The following LMTK2 variants were observed in gnomAD, a reference collection of about 807,000 sequenced individuals.
LMTK2 encodes lemur tail kinase 2.
A neutral mutation model predicts 127.5 loss-of-function variants in LMTK2; 37 were observed. The ratio of observed to expected loss-of-function variants is 0.29; its 90% CI spans 0.22 to 0.38. The LOEUF (loss-of-function observed/expected upper bound fraction) is 0.38. Among genes scored for constraint, LMTK2 ranks in the 10% least tolerant of loss-of-function variants. The pLI is 1.00. For missense variants in LMTK2, 1,694 were observed against 1,920.3 expected, an observed-to-expected ratio of 0.88 and a Z score of 2.20; for synonymous variants, 819 against 810.1, an observed-to-expected ratio of 1.01 and a Z score of -0.19.
Position 98,204,185 on chromosome 7 carries a change from C to A in LMTK2, c.4482C>A (p.Gly1494=), listed in dbSNP as rs6971013. The A allele has an allele frequency of 7.5e-6, 12 of 1,603,700 alleles. No homozygotes were observed. The highest frequency in any genetic ancestry group is 1.0e-5 in the Non-Finnish European group (12 of 1,179,506). ...THLTDSDIEQ[G]GSSEDGEKD ...TGACCGACTCGGACATCGAGCAGGGCGGTGAGAGGCGCTGCGTGCTGGGGA... is the reference window on the plus strand; with the variant it reads ...TGACCGACTCGGACATCGAGCAGGGAGGTGAGAGGCGCTGCGTGCTGGGGA... The change falls in exon 13 of 14, where the codon GGC becomes GGA. Residue 1494 remains glycine (G), a splice_region_variant and synonymous_variant. Coordinates refer to ENST00000297293, the MANE Select transcript of LMTK2 (RefSeq NM_014916.4).
At chr7:98,176,859 G>A (rs964082599) in intron 7 of LMTK2, among the ~76,000 whole-genome samples, 3 of 152,076 alleles carry the variant, frequency 2.0e-5, no homozygotes, top group African/African-American at 7.2e-5. Flanking sequence ...TAATAATAAT[G>A]ATTTACTGAA....
At chr7:98,175,155 T>C (rs1176368465) in intron 7 of LMTK2, among the ~76,000 whole-genome samples, 1 of 152,182 alleles carries the variant, frequency 6.6e-6, no homozygotes, top group Non-Finnish European at 1.5e-5. Context: ...ATACCGTGTG[T>C]GGTCATTTCT....
In LMTK2 at chr7:98,194,384, A is replaced by C. The variant is rs768274638; in HGVS notation, c.3919A>C (p.Ser1307Arg). 6.2e-7 allele frequency: 1 copy of C among 1,614,054 alleles called. No homozygotes were observed. The highest frequency in any genetic ancestry group is 8.5e-7 in the Non-Finnish European group (1 of 1,180,024). The change falls in exon 11 of 14, where the codon AGC (serine) becomes CGC (arginine). Residue 1307 changes from serine to arginine, a missense_variant. Transcript: ENST00000297293. The surrounding 1 kb of genome is among the most constrained non-coding windows in gnomAD (Gnocchi z 5.4). ...GCGGGCCTTCAACCTGCATAGCCTCAGCTCCGAGTCGGAGGACGAGACCGA... is the reference window on the plus strand; with the variant it reads ...GCGGGCCTTCAACCTGCATAGCCTCCGCTCCGAGTCGGAGGACGAGACCGA... ...DLRAFNLHSL[S>R]SESEDETEHP... is the part of the protein sequence containing the mutation.
At chr7:98,125,012 TC>T (rs1796423543) in intron 1 of LMTK2, among the ~76,000 whole-genome samples, 1 of 152,118 alleles carries the variant, frequency 6.6e-6, no homozygotes, top group South Asian at 2.1e-4. Context: ...AATAACAGTC[TC>T]CCCAGTCCAG....
At chr7:98,203,387 G>C (rs1797736727) in intron 11 of LMTK2, among the ~76,000 whole-genome samples, 187 bp from the exon 12 acceptor site, 1 of 152,238 alleles carries the variant, frequency 6.6e-6, no homozygotes, top group African/African-American at 2.4e-5. Flanking sequence ...GCCGAGGTCA[G>C]AGCTGCAGGC....
At chr7:98,185,915 G>A (rs1357010792) in intron 8 of LMTK2, among the ~76,000 whole-genome samples, 6 of 151,842 alleles carry the variant, frequency 4.0e-5, no homozygotes, top group Non-Finnish European at 7.4e-5. Context: ...TCTGTTTTTC[G>A]GAGTTCTTGT....
chr7:98,120,145 A>G (rs1425716355), intron 1 of LMTK2, among the ~76,000 whole-genome samples: 1 of 152,216 alleles, frequency 6.6e-6, no homozygotes, highest in East Asian at 1.9e-4. Flanking sequence ...AGTACAGACT[A>G]TTTTTTGACA....
chr7:98,110,950 C>CTA (rs1796194097), intron 1 of LMTK2, among the ~76,000 whole-genome samples: 1 of 152,200 alleles, frequency 6.6e-6, no homozygotes, highest in African/African-American at 2.4e-5. Context: ...GAAATGCTTT[C>CTA]TAAAGTATGA....
At chr7:98,163,048 A>T (rs1405476301) in intron 6 of LMTK2, among the ~76,000 whole-genome samples, 1 of 150,976 alleles carries the variant, frequency 6.6e-6, no homozygotes, top group East Asian at 2.0e-4. Context: ...GTTCTGGGTA[A>T]TTCTACTTAC....
chr7:98,187,692 T>C (rs982563789), intron 9 of LMTK2, among the ~76,000 whole-genome samples: 7 of 127,262 alleles, frequency 5.5e-5, no homozygotes, highest in Non-Finnish European at 1.0e-4. Context: ...CTCACTGCAG[T>C]GTCCACCTCC....
Position 98,190,808 on chromosome 7 carries a change from A to G in LMTK2, c.1079A>G (p.Asn360Ser), listed in dbSNP as rs200927394. The G allele has an allele frequency of 2.2e-4, 353 of 1,614,088 alleles. 2 individuals are homozygous for G. The highest frequency in any genetic ancestry group is 6.6e-4 in the Middle Eastern group (4 of 6,062). The change falls in exon 10 of 14, where the codon AAC becomes AGC. Residue 360 changes from asparagine to serine, a missense_variant. Asn to Ser is a conservative substitution (Grantham distance 46, BLOSUM62 1). Around this residue, in one of 8 missense-constraint regions of LMTK2, gnomAD observed 216 missense variants for 266.8 expected, o/e 0.81. Coordinates refer to ENST00000297293, the MANE Select transcript of LMTK2 (RefSeq NM_014916.4). ...YSNLSNLDVL[N>S]QVIRERDTKL... is the part of the protein sequence containing the mutation. ...AACCTTTCCAACTTAGATGTCCTCA[A>G]CCAAGTCATTAGAGAGAGAGACACA...
intron 6 of LMTK2, among the ~76,000 whole-genome samples, chr7:98,161,809 C>G (rs1797020965): frequency 1.3e-5 from 2 of 152,204 alleles, no homozygotes; most frequent in South Asian, 4.2e-4. Flanking sequence ...GGCAAGTCTG[C>G]TCGTCAGAGG....
chr7:98,120,178 A>C (rs1195383562), intron 1 of LMTK2, among the ~76,000 whole-genome samples: 2 of 152,176 alleles, frequency 1.3e-5, no homozygotes, highest in Non-Finnish European at 2.9e-5. Context: ...TGGGTGGGAG[A>C]AAAGAATTTA....
At chr7:98,191,495 T>C (rs1797524027) in intron 10 of LMTK2, 119 bp from the exon 11 acceptor site, 1 of 755,418 alleles carries the variant, frequency 1.3e-6, no homozygotes, top group Admixed American at 3.2e-5. Flanking sequence ...GAGGTTGCAG[T>C]GAGCCGGGAT....
intron 1 of LMTK2, among the ~76,000 whole-genome samples, chr7:98,122,875 T>C (rs1190187243): frequency 6.6e-6 from 1 of 152,092 alleles, no homozygotes; most frequent in Non-Finnish European, 1.5e-5. Flanking sequence ...TATGCCTCCC[T>C]GTTGCCTCCG....
At chr7:98,138,172 G>C (rs565222929) in intron 2 of LMTK2, among the ~76,000 whole-genome samples, 10 of 152,282 alleles carry the variant, frequency 6.6e-5, no homozygotes, top group South Asian at 4.1e-4. Flanking sequence ...GAATACATGG[G>C]GGGGAGAAGG....
At chr7:98,162,086 A>G (rs1051993212) in intron 6 of LMTK2, among the ~76,000 whole-genome samples, 13 of 152,358 alleles carry the variant, frequency 8.5e-5, no homozygotes, top group African/African-American at 1.7e-4. Context: ...TTTTCATACA[A>G]TGGTCAAAGA....
rs1797550754 is a variant in LMTK2, at chr7:98,192,711, T to G, written c.2246T>G (p.Leu749Arg). 3 of 1,612,288 alleles carry G rather than the reference T, an allele frequency of 1.9e-6. No individual in the cohort carries two copies. Among genetic ancestry groups the G allele is most frequent in the Admixed American group, 1.7e-5 (1 of 59,828 alleles). Residue 749 changes from leucine (L) to arginine (R), a missense_variant, in exon 11 of 14, where the codon CTT becomes CGT. Physicochemically the swap from Leu to Arg is moderately radical, Grantham distance 102. Transcript: ENST00000297293. ...KEHINDLQTE[L>R]KNAGFTEAML... ...CACATAAATGATCTTCAGACAGAAC[T>G]TAAGAATGCTGGTTTTACTGAAGCT...
At position 98,190,764 on chromosome 7, in the gene LMTK2, T is replaced by C; in HGVS notation, c.1035T>C (p.Asn345=). 2 of 1,614,132 alleles carry C rather than the reference T, an allele frequency of 1.2e-6. No individual in the cohort carries two copies. The highest frequency in any genetic ancestry group is 1.7e-6 in the Non-Finnish European group (2 of 1,180,030). The change falls in exon 10 of 14, where the codon AAT becomes AAC. Residue 345 remains asparagine (N), a synonymous_variant. Coordinates refer to ENST00000297293, the MANE Select transcript of LMTK2 (RefSeq NM_014916.4). ...LGVTLWELFD[N]AAQPYSNLSN... is the part of the protein sequence containing the mutation. ...TGACACTTTGGGAGCTTTTTGACAATGCCGCACAGCCGTATTCAAACCTTT... is the reference window on the plus strand; with the variant it reads ...TGACACTTTGGGAGCTTTTTGACAACGCCGCACAGCCGTATTCAAACCTTT...
Sources: gnomAD v4.1 joint callset for allele counts (sites outside exome capture counted in the v4.1 genomes callset) on GRCh38, gnomAD v4.1.1 for gene constraint, gnomAD v4.1.1 regional missense constraint, Gnocchi (gnomAD v3.1) non-coding constraint, MANE v1.5 for transcripts, NCBI Gene and HGNC (gene_info 2026-07-23, HGNC 2026-07-21) for gene names.